Variants in CNTN3 observed in about 807,000 individuals in gnomAD.
CNTN3 encodes contactin-3.
A neutral mutation model predicts 119.1 loss-of-function variants in CNTN3; 60 were observed. That is an observed-to-expected ratio of 0.50 (90% CI 0.41 to 0.62). The LOEUF (loss-of-function observed/expected upper bound fraction) is 0.62, where lower values mean the gene tolerates loss of function less well. Ranked by LOEUF, CNTN3 falls within the 20% of genes least tolerant of loss-of-function variation. CNTN3 has a pLI of 0.00. For synonymous variants in CNTN3, 450 were observed against 438.7 expected (o/e 1.03, Z -0.32); for missense variants, 1,101 against 1,242.4 (o/e 0.89, Z 1.71).
Position 74,267,738 on chromosome 3 carries a change from CGTT to C in CNTN3, c.2705-363_2705-361del, listed in dbSNP as rs541444436. On this transcript the variant is annotated intron_variant, in intron 20 of 22. Coordinates refer to ENST00000263665, the MANE Select transcript of CNTN3 (RefSeq NM_020872.3). Reference sequence around the variant, plus strand: ...AGAGCATTTCACACTTACTGTGTCTCGTTGAAAACACGTCGATGGGGGGGATAA... The same window carrying C: ...AGAGCATTTCACACTTACTGTGTCTCGAAAACACGTCGATGGGGGGGATAA... Among the ~76,000 whole-genome samples, 35 of 152,150 alleles carry C rather than the reference CGTT, an allele frequency of 2.3e-4. No individual in the cohort carries two copies. In the South Asian group the frequency reaches 3.3e-3, roughly 14 times the overall value.
chr3:74,425,816 T>C (rs1473400422), intron 4 of CNTN3, among the ~76,000 whole-genome samples: 1 of 152,144 alleles, frequency 6.6e-6, no homozygotes, highest in African/African-American at 2.4e-5. Context: ...GTATAAGTCC[T>C]ATTTTTCCCA....
chr3:74,590,698 T>C (rs919198275), intron 1 of CNTN3, among the ~76,000 whole-genome samples: 1 of 152,078 alleles, frequency 6.6e-6, no homozygotes, highest in African/African-American at 2.4e-5. Context: ...ACTCATTGTT[T>C]TCTGAGCTTA....
At chr3:74,579,174 A>G (rs1256165883) in intron 1 of CNTN3, among the ~76,000 whole-genome samples, 2 of 148,564 alleles carry the variant, frequency 1.3e-5, no homozygotes, top group Non-Finnish European at 3.0e-5. Context: ...TTCCATAATG[A>G]TAAAAAAAAT....
intron 1 of CNTN3, among the ~76,000 whole-genome samples, chr3:74,601,260 C>T (rs1042293872): frequency 6.6e-6 from 1 of 151,878 alleles, no homozygotes; most frequent in African/African-American, 2.4e-5. Context: ...GAAACTGAGA[C>T]TTAGAGAAGG....
At chr3:74,566,687 C>T (rs566590675) in intron 1 of CNTN3, among the ~76,000 whole-genome samples, 1 of 152,270 alleles carries the variant, frequency 6.6e-6, no homozygotes, top group East Asian at 1.9e-4. Flanking sequence ...CTCATCTTTA[C>T]TTGGTTACAT....
chr3:74,379,735 T>C (rs894457558), intron 5 of CNTN3, among the ~76,000 whole-genome samples: 1 of 152,152 alleles, frequency 6.6e-6, no homozygotes, highest in African/African-American at 2.4e-5. Context: ...TGAAGAAGTG[T>C]AATGATGGGA....
At chr3:74,573,658 G>A (rs1408361765) in intron 1 of CNTN3, among the ~76,000 whole-genome samples, 1 of 151,752 alleles carries the variant, frequency 6.6e-6, no homozygotes, top group African/African-American at 2.4e-5. Context: ...TTTCTCCAAG[G>A]AAGATACACA....
chr3:74,395,931 A>G (rs548122641), intron 5 of CNTN3, among the ~76,000 whole-genome samples: 1 of 152,266 alleles, frequency 6.6e-6, no homozygotes, highest in South Asian at 2.1e-4. Flanking sequence ...ATAATCTGTT[A>G]TCAGTGATCT....
intron 4 of CNTN3, among the ~76,000 whole-genome samples, chr3:74,446,368 T>G (rs1702048497): frequency 1.3e-5 from 2 of 152,150 alleles, no homozygotes; most frequent in South Asian, 4.1e-4. Context: ...AGTCTTTAGG[T>G]TTATTGAGAT....
chr3:74,356,469 C>A (rs778671682), intron 11 of CNTN3, among the ~76,000 whole-genome samples: 3 of 152,046 alleles, frequency 2.0e-5, no homozygotes, highest in Non-Finnish European at 4.4e-5. Context: ...GAGATAAGAG[C>A]CTTCCTAGGT....
intron 4 of CNTN3, among the ~76,000 whole-genome samples, chr3:74,472,300 T>C (rs1459136054): frequency 1.3e-5 from 2 of 152,206 alleles, no homozygotes; most frequent in Non-Finnish European, 2.9e-5. Flanking sequence ...AATTTGAGCA[T>C]ACTTTGCCCT....
chr3:74,451,999 CTCT>C (rs1476674016), intron 4 of CNTN3, among the ~76,000 whole-genome samples: 1 of 139,718 alleles, frequency 7.2e-6, no homozygotes, highest in Non-Finnish European at 1.5e-5. Context: ...GCGATGCAGG[CTCT>C]TTTTTGGTTC....
At chr3:74,433,474 T>A (rs1217657319) in intron 4 of CNTN3, among the ~76,000 whole-genome samples, 2 of 152,188 alleles carry the variant, frequency 1.3e-5, no homozygotes, top group Admixed American at 6.5e-5. Flanking sequence ...TAACACTATT[T>A]AGGAAATGTA....
intron 4 of CNTN3, among the ~76,000 whole-genome samples, chr3:74,458,192 G>A (rs931522410): frequency 2.0e-5 from 3 of 152,004 alleles, no homozygotes; most frequent in Non-Finnish European, 2.9e-5. Flanking sequence ...ACAGCTCTCT[G>A]CTGAAGAAAT....
intron 1 of CNTN3, among the ~76,000 whole-genome samples, chr3:74,604,415 G>T (rs1476890367): frequency 6.6e-6 from 1 of 151,882 alleles, no homozygotes; most frequent in Non-Finnish European, 1.5e-5. Flanking sequence ...CCACACATCT[G>T]TAAGAGGTTA....
chr3:74,387,574 G>T (rs886538763), intron 5 of CNTN3, among the ~76,000 whole-genome samples: 4 of 152,212 alleles, frequency 2.6e-5, no homozygotes, highest in Non-Finnish European at 5.9e-5. Context: ...AGAATGAGCT[G>T]GGAGTTGGTC....
At chr3:74,361,788 C>T in intron 11 of CNTN3, 102 bp downstream of exon 11, 1 of 1,221,162 alleles carries the variant, frequency 8.2e-7, no homozygotes, top group Non-Finnish European at 1.1e-6. Flanking sequence ...TCACATGCTA[C>T]TGAAATGCTA....
In CNTN3 at chr3:74,266,430, G is replaced by A. The variant is rs550149987; in HGVS notation, c.2986+51C>T. ...GGGATACTGATTGACTCACTATGGC[G>A]GATAGTAACACTGATGTCAATAAAG... On this transcript the variant is annotated intron_variant, in intron 22 of 22. Transcript: ENST00000263665. 4.3e-5 allele frequency: 65 copies of A among 1,516,574 alleles called. No individual in the cohort carries two copies. In the East Asian group the frequency reaches 1.4e-3, roughly 32 times the overall value. The allele number at this position is 1,516,574 out of a possible 1,614,324, so 93.9% of individuals were successfully genotyped here. A position where few individuals can be genotyped will look rare whatever the true frequency, so the allele number is the denominator to read the frequency against.
intron 5 of CNTN3, among the ~76,000 whole-genome samples, chr3:74,423,673 GC>G (rs1254716684): frequency 6.6e-6 from 1 of 152,208 alleles, no homozygotes; most frequent in Non-Finnish European, 1.5e-5. Context: ...GAGGCTCTAT[GC>G]TTCCCTTCAA....
Sources: allele counts gnomAD v4.1 joint callset (sites outside exome capture counted in the v4.1 genomes callset), GRCh38; gene constraint gnomAD v4.1.1; transcripts MANE v1.5; gene names NCBI Gene and HGNC (gene_info 2026-07-23, HGNC 2026-07-21).